Variants in CPNE4 observed in about 807,000 individuals in gnomAD.
The protein encoded by CPNE4 is copine-4.
In CPNE4, 25 loss-of-function variants were observed where a neutral mutation model predicts 67.9. The ratio of observed to expected loss-of-function variants is 0.37; its 90% CI spans 0.27 to 0.51. CPNE4 has a LOEUF of 0.51. Among genes scored for constraint, CPNE4 ranks in the 20% least tolerant of loss-of-function variants. The pLI is 0.93. For missense variants in CPNE4, 464 were observed against 690.8 expected (o/e 0.67, Z 3.68); for synonymous variants, 242 against 244.9 (o/e 0.99, Z 0.11).
At chr3:132,015,056 T>G (rs904176837) in intron 1 of CPNE4, among the ~76,000 whole-genome samples, 1 of 152,246 alleles carries the variant, frequency 6.6e-6, no homozygotes, top group African/African-American at 2.4e-5. Context: ...ATCATTGCAT[T>G]CTTTGCCTAA....
Position 131,533,761 on chromosome 3 carries a change from TCAAA to T in CPNE4, c.*1430_*1433del, listed in dbSNP as rs751756850. 11 of 152,318 alleles carry T rather than the reference TCAAA, an allele frequency of 7.2e-5. No individual in the cohort carries two copies. The highest frequency in any genetic ancestry group is 1.3e-4 in the Non-Finnish European group (9 of 68,024). The allele number at this position is 152,318 out of a possible 1,614,324, so 9.4% of individuals were successfully genotyped here. ...TTGCTTGTTAATACTGCTCCCCTCT[TCAAA>T]CAAACAACAAATTTTGCCTTGTGAT... On this transcript the variant is annotated 3_prime_UTR_variant, in exon 16 of 16. Transcript: ENST00000429747.
rs144683362 is a variant in CPNE4, at chr3:131,855,742, T to A, written c.180+49522A>T. ...TGTGTGTGTGATGAAAATACAGTCA[T>A]TTAATTTTGAAGAATTTGTTTGGGT... On this transcript the variant is annotated intron_variant, in intron 2 of 15. Coordinates refer to ENST00000429747, the MANE Select transcript of CPNE4 (RefSeq NM_130808.3). 1.3e-4 allele frequency among the ~76,000 whole-genome samples: 20 copies of A among 151,950 alleles called. No individual in the cohort carries two copies. The East Asian group carries it at 3.5e-3, about 26-fold the overall frequency.
At chr3:131,592,185 T>C (rs1192449961) in intron 7 of CPNE4, among the ~76,000 whole-genome samples, 1 of 152,174 alleles carries the variant, frequency 6.6e-6, no homozygotes, top group Non-Finnish European at 1.5e-5. Context: ...TTATAATAGT[T>C]AAAAAGTATA....
intron 7 of CPNE4, among the ~76,000 whole-genome samples, chr3:131,616,333 G>A (rs1940158692): frequency 6.6e-6 from 1 of 152,178 alleles, no homozygotes; most frequent in African/African-American, 2.4e-5. Flanking sequence ...AGATGACCCA[G>A]TTGTTAGGGC....
chr3:131,599,988 A>G (rs1939112467), intron 7 of CPNE4, among the ~76,000 whole-genome samples: 1 of 152,118 alleles, frequency 6.6e-6, no homozygotes, highest in African/African-American at 2.4e-5. Flanking sequence ...ATGAAACAAG[A>G]GCCCCAGGAA....
intron 2 of CPNE4, among the ~76,000 whole-genome samples, chr3:131,729,509 G>A (rs970402626): frequency 6.6e-6 from 1 of 152,158 alleles, no homozygotes; most frequent in Non-Finnish European, 1.5e-5. Context: ...TAAGTGACTG[G>A]CCTCAGAGTT....
At chr3:131,876,039 T>C (rs138671466) in intron 2 of CPNE4, among the ~76,000 whole-genome samples, 1 of 152,192 alleles carries the variant, frequency 6.6e-6, no homozygotes, top group Non-Finnish European at 1.5e-5. Context: ...AGTTCCCATA[T>C]TTACCAATAA....
At chr3:131,876,626 A>G (rs2087466144) in intron 2 of CPNE4, among the ~76,000 whole-genome samples, 1 of 119,448 alleles carries the variant, frequency 8.4e-6, no homozygotes, top group African/African-American at 3.5e-5. Flanking sequence ...TGGGCGACAG[A>G]GCAAGACTCC....
chr3:131,549,824 T>C (rs1936073877), intron 14 of CPNE4, 123 bp downstream of exon 14: 4 of 1,131,978 alleles, frequency 3.5e-6, no homozygotes, highest in Non-Finnish European at 5.1e-6. Context: ...GGTTAAGTCA[T>C]TTGTCCAAAT....
At chr3:131,582,019 C>G (rs1003825511) in intron 8 of CPNE4, among the ~76,000 whole-genome samples, 1 of 152,154 alleles carries the variant, frequency 6.6e-6, no homozygotes, top group African/African-American at 2.4e-5. Flanking sequence ...AAATTTAGAA[C>G]AGGGCCTGGC....
chr3:131,778,294 C>T (rs2107847439), intron 2 of CPNE4, among the ~76,000 whole-genome samples: 1 of 152,250 alleles, frequency 6.6e-6, no homozygotes, highest in South Asian at 2.1e-4. Flanking sequence ...CACTGCCCCT[C>T]CTCCTATCGT....
chr3:131,620,944 G>A (rs1417813301), intron 7 of CPNE4, among the ~76,000 whole-genome samples: 1 of 152,162 alleles, frequency 6.6e-6, no homozygotes, highest in Admixed American at 6.5e-5. Flanking sequence ...CAATTTTGTG[G>A]TAATTTTGTT....
Position 131,921,980 on chromosome 3 carries a change from G to A in CPNE4, c.-1-16536C>T, listed in dbSNP as rs192827170. On this transcript the variant is annotated intron_variant, in intron 1 of 15. Coordinates refer to ENST00000429747, the MANE Select transcript of CPNE4 (RefSeq NM_130808.3). Reference sequence around the variant, plus strand: ...GGGGCACATGTGCAGGTCTGTTACCGGGGCATATTGTATGATGCTAAGGTT... The same window carrying A: ...GGGGCACATGTGCAGGTCTGTTACCAGGGCATATTGTATGATGCTAAGGTT... Among the ~76,000 whole-genome samples, 153 of 152,132 alleles carry A rather than the reference G, an allele frequency of 1.0e-3. 1 individual carries two copies. Among genetic ancestry groups the A allele is most frequent in the Admixed American group, 6.7e-3 (102 of 15,268 alleles).
intron 2 of CPNE4, among the ~76,000 whole-genome samples, chr3:131,900,520 C>T (rs2088513290): frequency 6.6e-6 from 1 of 152,008 alleles, no homozygotes. Flanking sequence ...AGATTTAAGT[C>T]AAGATTTCAT....
At chr3:131,952,055 G>A (rs2071749226) in intron 1 of CPNE4, among the ~76,000 whole-genome samples, 1 of 145,998 alleles carries the variant, frequency 6.8e-6, no homozygotes, top group African/African-American at 2.5e-5. Flanking sequence ...CCCTCTGCCT[G>A]GCTGCCCAGT....
At chr3:131,635,599 T>C (rs190202273) in intron 7 of CPNE4, among the ~76,000 whole-genome samples, 17 of 152,370 alleles carry the variant, frequency 1.1e-4, no homozygotes, top group Admixed American at 4.6e-4. Flanking sequence ...GATAGCCCTA[T>C]TGGACTGTGC....
chr3:131,678,425 A>C (rs954485324), intron 6 of CPNE4, among the ~76,000 whole-genome samples: 3 of 152,100 alleles, frequency 2.0e-5, no homozygotes, highest in South Asian at 2.1e-4. Flanking sequence ...AATGCCCTTT[A>C]TTTCTTTCTC....
intron 2 of CPNE4, among the ~76,000 whole-genome samples, chr3:131,768,357 A>G (rs1208374034): frequency 6.6e-6 from 1 of 152,138 alleles, no homozygotes; most frequent in Non-Finnish European, 1.5e-5. Context: ...AAAATATTCT[A>G]TCGGCAATGT....
chr3:131,564,705 T>A (rs975734415), intron 10 of CPNE4, among the ~76,000 whole-genome samples: 11 of 151,958 alleles, frequency 7.2e-5, no homozygotes, highest in African/African-American at 2.7e-4. Flanking sequence ...AAGAAAAGAC[T>A]TCTACACTCC....
Sources: allele counts gnomAD v4.1 joint callset (sites outside exome capture counted in the v4.1 genomes callset), GRCh38; gene constraint gnomAD v4.1.1; transcripts MANE v1.5; gene names NCBI Gene and HGNC (gene_info 2026-07-23, HGNC 2026-07-21).